The following SH3RF1 variants were observed in gnomAD, a reference collection of about 807,000 sequenced individuals.
The protein encoded by SH3RF1 is E3 ubiquitin-protein ligase SH3RF1.
SH3RF1 carries 32 observed loss-of-function variants against 74.0 expected under a neutral mutation model. The observed-to-expected ratio is 0.43, with a 90% CI of 0.33 to 0.58. The LOEUF is 0.58. Among genes scored for constraint, SH3RF1 ranks in the 20% least tolerant of loss-of-function variants. SH3RF1 has a pLI of 0.05. For synonymous variants in SH3RF1, 396 were observed against 439.6 expected (o/e 0.90, Z 1.24); for missense variants, 954 against 1,130.9 (o/e 0.84, Z 2.24).
intron 2 of SH3RF1, among the ~76,000 whole-genome samples, chr4:169,165,853 A>AG (rs1274414498): frequency 6.6e-6 from 1 of 152,238 alleles, no homozygotes; most frequent in East Asian, 1.9e-4. Flanking sequence ...AATTCAACTG[A>AG]GAAAAATAAA....
chr4:169,106,587 G>C (rs998686051), intron 11 of SH3RF1, among the ~76,000 whole-genome samples: 1 of 152,010 alleles, frequency 6.6e-6, no homozygotes, highest in Non-Finnish European at 1.5e-5. Context: ...TTTTTACCTG[G>C]ACACAATTCA....
chr4:169,119,832 T>A (rs1475261795), intron 8 of SH3RF1, among the ~76,000 whole-genome samples: 1 of 152,176 alleles, frequency 6.6e-6, no homozygotes, highest in Non-Finnish European at 1.5e-5. Context: ...TTTAATGCAG[T>A]TAGACCTGGA....
chr4:169,232,898 G>A (rs535330434), intron 2 of SH3RF1, among the ~76,000 whole-genome samples: 4 of 152,150 alleles, frequency 2.6e-5, no homozygotes, highest in East Asian at 3.9e-4. Context: ...TCTACTGATC[G>A]GTAGTGTGAA....
intron 2 of SH3RF1, among the ~76,000 whole-genome samples, chr4:169,238,355 A>T (rs1579156698): frequency 6.6e-6 from 1 of 152,332 alleles, no homozygotes; most frequent in South Asian, 2.1e-4. Context: ...GGCCAAATAC[A>T]GTGGCCTCAC....
chr4:169,241,973 G>T (rs1390780709), intron 2 of SH3RF1, among the ~76,000 whole-genome samples: 6 of 152,120 alleles, frequency 3.9e-5, no homozygotes, highest in Admixed American at 3.3e-4. Context: ...CAAGTCACTT[G>T]AGAGTTTTAT....
intron 2 of SH3RF1, among the ~76,000 whole-genome samples, chr4:169,175,361 A>T (rs1207306738): frequency 6.6e-6 from 1 of 152,000 alleles, no homozygotes; most frequent in African/African-American, 2.4e-5. Context: ...GCTTTCTATC[A>T]TCTGGTCCCG....
intron 2 of SH3RF1, among the ~76,000 whole-genome samples, chr4:169,207,572 A>G (rs1730281659): frequency 6.6e-6 from 1 of 152,184 alleles, no homozygotes; most frequent in Non-Finnish European, 1.5e-5. Flanking sequence ...ACAATACCCT[A>G]AGAAGAACTG....
rs530886905 is a variant in SH3RF1, at chr4:169,197,624, C to CAAAAA, written c.394-40950_394-40946dup. Among the ~76,000 whole-genome samples the CAAAAA allele has an allele frequency of 1.9e-3, 213 of 114,132 alleles. 11 individuals carry two copies. Among genetic ancestry groups the CAAAAA allele is most frequent in the African/African-American group, 3.4e-3 (100 of 29,320 alleles). The allele number at this position is 114,132 out of a possible 152,430, so 74.9% of individuals were successfully genotyped here. A position where few individuals can be genotyped will look rare whatever the true frequency, so the allele number is the denominator to read the frequency against. ...GGGCGACAAAAGCAAGACTCTGTCT[C>CAAAAA]AAAAAAAAAAAAAAAGCCCACCTTA... is the stretch of plus-strand genomic sequence containing the variant. On this transcript the variant is annotated intron_variant, in intron 2 of 11. Transcript: ENST00000284637.
At chr4:169,231,238 T>C (rs1292341099) in intron 2 of SH3RF1, among the ~76,000 whole-genome samples, 1 of 152,194 alleles carries the variant, frequency 6.6e-6, no homozygotes, top group African/African-American at 2.4e-5. Flanking sequence ...CTTTTTCTGG[T>C]CATGTTTGTT....
intron 6 of SH3RF1, among the ~76,000 whole-genome samples, chr4:169,125,950 C>T (rs34525057): frequency 0.06 from 9,157 of 152,256 alleles, 428 homozygotes; most frequent in African/African-American, 0.13. Context: ...CACATTTGAT[C>T]TACAAGAAAC....
chr4:169,235,014 T>C (rs571236971), intron 2 of SH3RF1, among the ~76,000 whole-genome samples: 105 of 152,262 alleles, frequency 6.9e-4, no homozygotes, highest in South Asian at 2.5e-3. Context: ...AGAATCACTG[T>C]TTTAGAGGGT....
At chr4:169,165,706 A>G (rs879850834) in intron 2 of SH3RF1, among the ~76,000 whole-genome samples, 1 of 152,166 alleles carries the variant, frequency 6.6e-6, no homozygotes, top group Non-Finnish European at 1.5e-5. Context: ...CAGTGTTTAC[A>G]TTAACACCTT....
At chr4:169,105,505 T>C (rs1019297286) in intron 11 of SH3RF1, among the ~76,000 whole-genome samples, 2 of 152,230 alleles carry the variant, frequency 1.3e-5, no homozygotes, top group African/African-American at 4.8e-5. Context: ...ACAGGGCTTA[T>C]TACTCTGAGT....
chr4:169,150,826 G>C (rs1733966291), intron 4 of SH3RF1, among the ~76,000 whole-genome samples: 1 of 152,126 alleles, frequency 6.6e-6, no homozygotes, highest in South Asian at 2.1e-4. Context: ...TAAATAACCA[G>C]TAGAGATTAC....
intron 2 of SH3RF1, among the ~76,000 whole-genome samples, chr4:169,234,854 G>T (rs1248634275): frequency 6.6e-6 from 1 of 151,892 alleles, no homozygotes. Context: ...GGGGAGCGTG[G>T]CTGTCCTGTG....
At chr4:169,270,618 G>C (rs1382522863) in intron 1 of SH3RF1, 1 of 152,408 alleles carries the variant, frequency 6.6e-6, no homozygotes. Context: ...GGGGTGCTGG[G>C]CTGCGCCCGG....
intron 2 of SH3RF1, among the ~76,000 whole-genome samples, chr4:169,240,613 A>G (rs1730893090): frequency 6.6e-6 from 1 of 152,204 alleles, no homozygotes; most frequent in African/African-American, 2.4e-5. Context: ...AATTGTATCT[A>G]TTTGCAGTGT....
At chr4:169,170,554 G>A (rs1053019098) in intron 2 of SH3RF1, among the ~76,000 whole-genome samples, 5 of 152,054 alleles carry the variant, frequency 3.3e-5, no homozygotes, top group Non-Finnish European at 7.4e-5. Flanking sequence ...TTTAGGCAAA[G>A]CAACTAATTT....
chr4:169,265,173 T>A (rs1731332801), intron 2 of SH3RF1, among the ~76,000 whole-genome samples: 1 of 152,220 alleles, frequency 6.6e-6, no homozygotes, highest in South Asian at 2.1e-4. Flanking sequence ...AAACCTAATG[T>A]GTCTCTCCCA....
Sources: gnomAD v4.1 joint callset for allele counts (sites outside exome capture counted in the v4.1 genomes callset) on GRCh38, gnomAD v4.1.1 for gene constraint, MANE v1.5 for transcripts, NCBI Gene and HGNC (gene_info 2026-07-23, HGNC 2026-07-21) for gene names.